FAM168A: variants seen among roughly 807,000 people sequenced by gnomAD.
FAM168A encodes protein FAM168A.
A neutral mutation model predicts 28.5 loss-of-function variants in FAM168A; 3 were observed. The observed-to-expected ratio is 0.11, with a 90% CI of 0.05 to 0.27. The LOEUF (loss-of-function observed/expected upper bound fraction) is 0.27. FAM168A is among the 10% of genes least tolerant of loss of function. FAM168A has a pLI of 1.00. For missense variants in FAM168A, 222 were observed against 311.5 expected (o/e 0.71, Z 2.16); for synonymous variants, 122 against 124.2 (o/e 0.98, Z 0.12).
intron 1 of FAM168A, among the ~76,000 whole-genome samples, chr11:73,504,538 C>T (rs1291426826): frequency 2.0e-5 from 3 of 152,176 alleles, no homozygotes; most frequent in Admixed American, 6.5e-5. Context: ...AATAAGAACG[C>T]TTTTACACTG....
At chr11:73,492,301 G>A (rs1311674906) in intron 1 of FAM168A, among the ~76,000 whole-genome samples, 3 of 152,158 alleles carry the variant, frequency 2.0e-5, no homozygotes, top group Admixed American at 2.0e-4. Context: ...AGCACATCCT[G>A]AAAAAATAAG....
intron 1 of FAM168A, among the ~76,000 whole-genome samples, chr11:73,584,463 C>G (rs1944284329): frequency 6.7e-6 from 1 of 149,062 alleles, no homozygotes; most frequent in South Asian, 2.1e-4. Context: ...ATGGCTGGCC[C>G]ACTGACTTTT....
At chr11:73,550,472 T>C (rs886914876) in intron 1 of FAM168A, among the ~76,000 whole-genome samples, 13 of 151,942 alleles carry the variant, frequency 8.6e-5, no homozygotes, top group Admixed American at 7.2e-4. Flanking sequence ...CTGGGCAACA[T>C]GGCAAAACCC....
At chr11:73,485,685 T>G (rs1460236212) in intron 1 of FAM168A, among the ~76,000 whole-genome samples, 1 of 152,172 alleles carries the variant, frequency 6.6e-6, no homozygotes, top group Non-Finnish European at 1.5e-5. Context: ...AAAAATTCAT[T>G]CCCTTTAGGA....
intron 1 of FAM168A, among the ~76,000 whole-genome samples, chr11:73,540,995 A>G (rs945134106): frequency 3.3e-5 from 5 of 152,144 alleles, no homozygotes; most frequent in African/African-American, 9.7e-5. Context: ...ACCTGAGGCC[A>G]GAAGTTCAAC....
chr11:73,419,601 G>A (rs1866757158), intron 4 of FAM168A, among the ~76,000 whole-genome samples: 1 of 152,086 alleles, frequency 6.6e-6, no homozygotes, highest in Non-Finnish European at 1.5e-5. Context: ...CCCCTAAAAT[G>A]CAGTAACAGT....
In FAM168A at chr11:73,404,437, T is replaced by C. The variant is rs1158215459; in HGVS notation, c.*2326A>G. The C allele has an allele frequency of 6.6e-6, 1 of 152,244 alleles. No individual in the cohort carries two copies. Among genetic ancestry groups the C allele is most frequent in the Non-Finnish European group, 1.5e-5 (1 of 68,040 alleles). The allele number at this position is 152,244 out of a possible 1,614,324, so 9.4% of individuals were successfully genotyped here. A position where few individuals can be genotyped will look rare whatever the true frequency, so the allele number is the denominator to read the frequency against. On this transcript the variant is annotated 3_prime_UTR_variant, in exon 8 of 8. Coordinates refer to ENST00000356467, the MANE Select transcript of FAM168A (RefSeq NM_015159.3). ...TGCACCTGACAAATCCAAAGGTTTC[T>C]ATTATTATTATCATTATTATTATTT...
chr11:73,568,796 G>A (rs1944051859), intron 1 of FAM168A, among the ~76,000 whole-genome samples: 2 of 152,158 alleles, frequency 1.3e-5, no homozygotes. Flanking sequence ...TCAGGAGGCT[G>A]AGGCATGAGA....
At chr11:73,595,218 T>A (rs958211502) in intron 1 of FAM168A, among the ~76,000 whole-genome samples, 16 of 152,210 alleles carry the variant, frequency 1.1e-4, no homozygotes, top group Admixed American at 2.6e-4. Flanking sequence ...TCACATTAGA[T>A]TACAGTCTCA....
Position 73,487,554 on chromosome 11 carries a change from C to T in FAM168A, c.-18-19062G>A, listed in dbSNP as rs980343568. Reference sequence around the variant, plus strand: ...TCACTGTCATTCTCTCTAATATATTCTTATCATAATTCCTGGTAATTTTAA... The same window carrying T: ...TCACTGTCATTCTCTCTAATATATTTTTATCATAATTCCTGGTAATTTTAA... On this transcript the variant is annotated intron_variant, in intron 1 of 7. Transcript: ENST00000356467. Among the ~76,000 whole-genome samples, 3 of 152,028 alleles carry T rather than the reference C, an allele frequency of 2.0e-5. No individual in the cohort carries two copies. The South Asian group carries it at 6.2e-4, about 32-fold the overall frequency.
chr11:73,458,617 C>CT (rs201483874), intron 2 of FAM168A, among the ~76,000 whole-genome samples: 11,816 of 150,576 alleles, frequency 0.078, 647 homozygotes, highest in Non-Finnish European at 0.11. Flanking sequence ...TTCTTTCTTT[C>CT]TTTTTTTTGA....
chr11:73,518,082 GTTTTCT>G (rs781102286), intron 1 of FAM168A, among the ~76,000 whole-genome samples: 8 of 152,160 alleles, frequency 5.3e-5, no homozygotes, highest in Non-Finnish European at 1.2e-4. Context: ...TTTTAAACAG[GTTTTCT>G]TTTTCTATCA....
At chr11:73,448,616 A>G (rs867282127) in intron 2 of FAM168A, among the ~76,000 whole-genome samples, 4 of 152,204 alleles carry the variant, frequency 2.6e-5, no homozygotes, top group Admixed American at 6.5e-5. Context: ...ACTTAGGAAT[A>G]GCCACGTGGC....
At chr11:73,568,271 C>T (rs1474201230) in intron 1 of FAM168A, among the ~76,000 whole-genome samples, 1 of 152,128 alleles carries the variant, frequency 6.6e-6, no homozygotes, top group Non-Finnish European at 1.5e-5. Context: ...ATGGCTTCCA[C>T]ATTAAAACAA....
intron 1 of FAM168A, among the ~76,000 whole-genome samples, chr11:73,476,509 T>C (rs1867891064): frequency 6.6e-6 from 1 of 152,082 alleles, no homozygotes; most frequent in Non-Finnish European, 1.5e-5. Flanking sequence ...CAATATATTA[T>C]CTAAAATATG....
chr11:73,562,816 ACT>A (rs1943974676), intron 1 of FAM168A, among the ~76,000 whole-genome samples: 1 of 151,198 alleles, frequency 6.6e-6, no homozygotes, highest in African/African-American at 2.4e-5. Context: ...ACAGAGTAAG[ACT>A]CTGTCTCAAA....
At chr11:73,584,469 CTTTTT>C (rs1162075797) in intron 1 of FAM168A, among the ~76,000 whole-genome samples, 7,106 of 128,042 alleles carry the variant, frequency 0.055, 469 homozygotes, top group African/African-American at 0.19. Context: ...GGCCCACTGA[CTTTTT>C]TTTTTTTTTT....
chr11:73,524,592 A>G (rs913187488), intron 1 of FAM168A, among the ~76,000 whole-genome samples: 6 of 151,616 alleles, frequency 4.0e-5, no homozygotes, highest in East Asian at 1.9e-4. Context: ...GTGTGTGTGT[A>G]TATGTATGTG....
At chr11:73,557,037 A>AG (rs1387099903) in intron 1 of FAM168A, among the ~76,000 whole-genome samples, 153 of 152,152 alleles carry the variant, frequency 1.0e-3, no homozygotes, top group Middle Eastern at 3.4e-3. Context: ...TCAAAAAAAA[A>AG]AAGAGGAAAA....
Sources: allele counts gnomAD v4.1 joint callset (sites outside exome capture counted in the v4.1 genomes callset), GRCh38; gene constraint gnomAD v4.1.1; transcripts MANE v1.5; gene names NCBI Gene and HGNC (gene_info 2026-07-23, HGNC 2026-07-21).